COL16A1: variants seen among roughly 807,000 people sequenced by gnomAD.
COL16A1 encodes the protein collagen alpha-1(XVI) chain.
Under a neutral mutation model 266.3 loss-of-function variants are expected in COL16A1, and 189 were observed. That is an observed-to-expected ratio of 0.71 (90% confidence interval 0.63 to 0.80). COL16A1 has a LOEUF of 0.80. Ranked by LOEUF, COL16A1 falls within the 30% of genes least tolerant of loss-of-function variation. The probability of loss-of-function intolerance (pLI) is 0.00; values close to 1 mark genes in which losing one functional copy is unlikely to be tolerated. For missense variants in COL16A1, 1,928 were observed against 2,122.4 expected, an observed-to-expected ratio of 0.91 and a Z score of 1.80; for synonymous variants, 740 against 782.3, an observed-to-expected ratio of 0.95 and a Z score of 0.90.
Position 31,691,534 on chromosome 1 carries a change from C to T in COL16A1, c.1303-22G>A, listed in dbSNP as rs557356696. Reference sequence around the variant, plus strand: ...CTCCCTGGCACAGACATAAGGTGGGCATCAGAGAGCTGCCACCCCAGCCCT... The same window carrying T: ...CTCCCTGGCACAGACATAAGGTGGGTATCAGAGAGCTGCCACCCCAGCCCT... On this transcript the variant is annotated intron_variant, in intron 18 of 70. Transcript: ENST00000373672. The T allele has an allele frequency of 5.0e-6, 8 of 1,613,976 alleles. No individual in the cohort carries two copies. The African/African-American group carries it at 9.3e-5, about 19-fold the overall frequency.
Position 31,672,789 on chromosome 1 carries a change from C to A in COL16A1, c.2911G>T (p.Val971Leu). 6.2e-7 allele frequency: 1 copy of A among 1,614,164 alleles called. No individual in the cohort carries two copies. The highest frequency in any genetic ancestry group is 8.5e-7 in the Non-Finnish European group (1 of 1,179,994). Reference sequence around the variant, plus strand: ...TGGTCTCCCTTCTCTCCCTTCTCCACGAGGTACCCTGGGTGGGCCCTCTGC... The same window carrying A: ...TGGTCTCCCTTCTCTCCCTTCTCCAAGAGGTACCCTGGGTGGGCCCTCTGC... ...QGQRAHPGYL[V>L]EKGEKGDQGI... The change falls in exon 45 of 71, where the codon GTG (valine) becomes TTG (leucine). Residue 971 changes from valine (V) to leucine (L), a missense_variant. Transcript: ENST00000373672.
At chr1:31,699,752 G>T in intron 4 of COL16A1, 61 bp downstream of exon 4, 1 of 1,082,190 alleles carries the variant, frequency 9.2e-7, no homozygotes, top group Non-Finnish European at 1.4e-6. Flanking sequence ...CACATCTGGA[G>T]TTGCTGAGGA....
intron 58 of COL16A1, 108 bp from the exon 59 acceptor site, chr1:31,661,812 G>C: frequency 8.1e-7 from 1 of 1,233,506 alleles, no homozygotes; most frequent in Admixed American, 2.8e-5. Context: ...TCCTAAGATG[G>C]AGGGAAGAAT....
chr1:31,658,487 C>T lies in COL16A1; in HGVS notation c.4020+1G>A. 1.3e-6 allele frequency: 2 copies of T among 1,598,622 alleles called. No homozygotes were observed. Among genetic ancestry groups the T allele is most frequent in the Non-Finnish European group, 1.7e-6 (2 of 1,173,204 alleles). On this transcript the variant is annotated splice_donor_variant, in intron 64 of 70. Coordinates refer to ENST00000373672, the MANE Select transcript of COL16A1 (RefSeq NM_001856.4). LOFTEE classifies it high-confidence loss of function. ...CTATGCTGTAGAATGTGGGATCTTA[C>T]TGGGGGGCCAGGGTGTCCAGGGGGG... is the stretch of plus-strand genomic sequence containing the variant.
chr1:31,689,693 T>G (rs1157943381), intron 23 of COL16A1, 48 bp downstream of exon 23: 3 of 1,467,582 alleles, frequency 2.0e-6, no homozygotes, highest in Non-Finnish European at 2.9e-6. Flanking sequence ...TCCCCAGGTT[T>G]CTTTGTGTGT....
At chr1:31,702,588 G>T (rs1473007536) in intron 1 of COL16A1, among the ~76,000 whole-genome samples, 1 of 152,212 alleles carries the variant, frequency 6.6e-6, no homozygotes, top group Non-Finnish European at 1.5e-5. Context: ...GAATAGTGAT[G>T]AGGGCTTAAA....
At chr1:31,699,699 C>T in intron 4 of COL16A1, 114 bp downstream of exon 4, 1 of 732,348 alleles carries the variant, frequency 1.4e-6, no homozygotes, top group Non-Finnish European at 2.3e-6. Context: ...CTGGCAGGGG[C>T]TGGGATGCAA....
chr1:31,671,497 G>A, intron 48 of COL16A1, 118 bp downstream of exon 48: 4 of 1,268,578 alleles, frequency 3.2e-6, no homozygotes, highest in Non-Finnish European at 4.5e-6. Context: ...GGAGGGCAGT[G>A]GAAGTTCCCT....
intron 37 of COL16A1, among the ~76,000 whole-genome samples, chr1:31,681,909 G>A (rs573236148): frequency 1.3e-5 from 2 of 152,344 alleles, no homozygotes; most frequent in African/African-American, 4.8e-5. Context: ...GGGCTTGGGC[G>A]AGTCCCTGCC....
chr1:31,652,534 C>T lies in COL16A1; in HGVS notation c.*117G>A. On this transcript the variant is annotated 3_prime_UTR_variant, in exon 71 of 71. Coordinates refer to ENST00000373672, the MANE Select transcript of COL16A1 (RefSeq NM_001856.4). The surrounding 1 kb of genome is among the most constrained non-coding windows in gnomAD (Gnocchi z 4.8). ...TTCTTTATTATTTAAAAAATATTAA[C>T]AGCAATTAAAAACAACAACAACAAC... 2 of 1,153,984 alleles carry T rather than the reference C, an allele frequency of 1.7e-6. No individual in the cohort carries two copies. The highest frequency in any genetic ancestry group is 2.3e-6 in the Non-Finnish European group (2 of 872,310). 71.5% of individuals were successfully genotyped at this position (1,153,984 alleles called of 1,614,324 possible). A position where few individuals can be genotyped will look rare whatever the true frequency, so the allele number is the denominator to read the frequency against.
intron 37 of COL16A1, 107 bp from the exon 38 acceptor site, chr1:31,681,174 C>T: frequency 1.4e-6 from 2 of 1,453,246 alleles, no homozygotes; most frequent in Non-Finnish European, 1.8e-6. Flanking sequence ...GCCAGGTTCC[C>T]CTGGAGCCCA....
At chr1:31,680,959 GC>G (rs1428204958) in intron 38 of COL16A1, 28 bp from the exon 39 acceptor site, 1 of 1,614,128 alleles carries the variant, frequency 6.2e-7, no homozygotes. Flanking sequence ...AGGAAGGTGA[GC>G]AGATAGGGGT....
chr1:31,684,525 T>G lies in COL16A1; in HGVS notation c.2158A>C (p.Lys720Gln). ...VQGPAGPKGE[K>Q]GDGCTACPSL... ...CCCAACCACCCCGCCTGACTAACCT[T>G]TTCTCCTTTTGGCCCCGCGGGGCCC... The change falls in exon 31 of 71, where the codon AAG becomes CAG. Residue 720 changes from lysine to glutamine, a missense_variant and splice_region_variant. Physicochemically the swap from Lys to Gln is moderately conservative, Grantham distance 53. Transcript: ENST00000373672. The G allele has an allele frequency of 6.2e-7, 1 of 1,611,606 alleles. No homozygotes were observed. Among genetic ancestry groups the G allele is most frequent in the Non-Finnish European group, 8.5e-7 (1 of 1,178,964 alleles).
In COL16A1 at chr1:31,684,244, G is replaced by A. The variant is rs552339439; in HGVS notation, c.2161-13C>T. The stretch of plus-strand genomic sequence containing the variant: ...TGCAGCCATCACCCTGGTCAGAGAT[G>A]GGTACAGCCAGGAGCCCATGAGCCG... On this transcript the variant is annotated splice_polypyrimidine_tract_variant and intron_variant, in intron 31 of 70. Coordinates refer to ENST00000373672, the MANE Select transcript of COL16A1 (RefSeq NM_001856.4). 1 of 1,477,312 alleles carries A rather than the reference G, an allele frequency of 6.8e-7. No homozygotes were observed. The highest frequency in any genetic ancestry group is 2.5e-5 in the East Asian group (1 of 40,274). The allele number at this position is 1,477,312 out of a possible 1,614,324, so 91.5% of individuals were successfully genotyped here.
chr1:31,684,769 G>A, intron 30 of COL16A1, 52 bp downstream of exon 30: 1 of 1,613,770 alleles, frequency 6.2e-7, no homozygotes, highest in Non-Finnish European at 8.5e-7. Context: ...AGGCAAGGAG[G>A]GGATCTGAGA....
At chr1:31,675,461 T>A in intron 42 of COL16A1, 150 bp from the exon 43 acceptor site, 2 of 1,237,258 alleles carry the variant, frequency 1.6e-6, no homozygotes, top group Non-Finnish European at 2.3e-6. Flanking sequence ...TATTCTTAGC[T>A]CAAAAGCCTC....
rs78551356 is a variant in COL16A1, at chr1:31,698,412, G to T, written c.390+71C>A. On this transcript the variant is annotated intron_variant, in intron 5 of 70. Coordinates refer to ENST00000373672, the MANE Select transcript of COL16A1 (RefSeq NM_001856.4). This position sits in a 1 kb window ranked among gnomAD's most constrained non-coding sequence, Gnocchi z 4.1. ...AGGGAGACCCCAGAAGTCACAAGCC[G>T]GGATGAAAGGTGGGCTGGACTGGTG... is the stretch of plus-strand genomic sequence containing the variant. The T allele has an allele frequency of 4.4e-6, 7 of 1,597,686 alleles. No individual in the cohort carries two copies. The highest frequency in any genetic ancestry group is 3.4e-5 in the Admixed American group (2 of 59,248).
rs555831255 is a variant in COL16A1 at position 31,661,684 on chromosome 1, G to A, written c.3702C>T (p.Gly1234=). Residue 1234 remains glycine, a synonymous_variant, in exon 59 of 71, where the codon GGC becomes GGT. Transcript: ENST00000373672. The part of the protein sequence containing the change: ...PGLRGDPGPA[G]PPGLMGPPGF... ...CCGGTGGTCCCATGAGTCCAGGGGGGCCAGCAGGACCAGGGTCCCCCTAGG... is the reference window on the plus strand; with the variant it reads ...CCGGTGGTCCCATGAGTCCAGGGGGACCAGCAGGACCAGGGTCCCCCTAGG... 128 of 1,603,636 alleles carry A rather than the reference G, an allele frequency of 8.0e-5. 2 individuals are homozygous for A. The South Asian group carries it at 1.3e-3, about 17-fold the overall frequency.
At chr1:31,692,322 T>A (rs959700967) in intron 16 of COL16A1, 152 bp downstream of exon 16, 112 of 1,333,774 alleles carry the variant, frequency 8.4e-5, no homozygotes, top group Non-Finnish European at 1.0e-4. Flanking sequence ...CGAGGCAGGG[T>A]GACTGGGGTG....
Sources: allele counts gnomAD v4.1 joint callset (sites outside exome capture counted in the v4.1 genomes callset), GRCh38; gene constraint gnomAD v4.1.1; non-coding constraint Gnocchi (gnomAD v3.1); transcripts MANE v1.5; gene names NCBI Gene and HGNC (gene_info 2026-07-23, HGNC 2026-07-21).